ANKRD42: variants seen among roughly 807,000 people sequenced by gnomAD.
ANKRD42 encodes ankyrin repeat domain-containing protein 42.
In ANKRD42, 43 loss-of-function variants were observed where a neutral mutation model predicts 51.5. The ratio of observed to expected loss-of-function variants is 0.83; its 90% CI spans 0.65 to 1.08. The LOEUF is 1.08. Among genes scored for constraint, ANKRD42 ranks in the 50% least tolerant of loss-of-function variants. The pLI, the probability that ANKRD42 is intolerant of heterozygous loss-of-function variation, is 0.00. For synonymous variants in ANKRD42, 203 were observed against 213.0 expected, an observed-to-expected ratio of 0.95 and a Z score of 0.41; for missense variants, 608 against 629.3, an observed-to-expected ratio of 0.97 and a Z score of 0.36.
At chr11:83,264,123 C>T (rs1025236318), downstream of ANKRD42, among the ~76,000 whole-genome samples, 4 of 151,988 alleles carry the variant, frequency 2.6e-5, no homozygotes, top group Non-Finnish European at 4.4e-5. Flanking sequence ...TTTACTCAAA[C>T]GTTAACACAT....
chr11:83,209,408 A>C (rs1252831347), intron 3 of ANKRD42: 1 of 1,580,020 alleles, frequency 6.3e-7, no homozygotes, highest in East Asian at 2.3e-5. Flanking sequence ...CATGTCGCAC[A>C]AACAAATTTA....
chr11:83,207,246 G>C (rs140779280), intron 3 of ANKRD42, among the ~76,000 whole-genome samples: 64 of 152,298 alleles, frequency 4.2e-4, no homozygotes, highest in African/African-American at 1.5e-3. Flanking sequence ...ACCTCCCACT[G>C]TGTCCCTCCC....
intron 2 of ANKRD42, among the ~76,000 whole-genome samples, chr11:83,201,162 C>A (rs185859430): frequency 1.3e-5 from 2 of 152,088 alleles, no homozygotes; most frequent in South Asian, 4.1e-4. Context: ...CCTCCACCCC[C>A]CGACAGGCCC....
Position 83,225,046 on chromosome 11 carries a change from G to GATCAGGA in ANKRD42, c.780_786dup (p.Thr263SerfsTer14). ...TGAGTATGAAGGAAAAGACCTAGAG[G>GATCAGGA]ATCAGGAAAGTAAGTAATTAAGTTA... On this transcript the variant is annotated frameshift_variant, in exon 6 of 11. Coordinates refer to ENST00000533342, the MANE Select transcript of ANKRD42 (RefSeq NM_001300975.2). LOFTEE classifies it high-confidence loss of function. The GATCAGGA allele has an allele frequency of 1.2e-6, 2 of 1,611,248 alleles. No individual in the cohort carries two copies. Among genetic ancestry groups the GATCAGGA allele is most frequent in the Non-Finnish European group, 1.7e-6 (2 of 1,178,110 alleles).
At chr11:83,250,247 A>T (rs1863651273), downstream of ANKRD42, among the ~76,000 whole-genome samples, 1 of 152,158 alleles carries the variant, frequency 6.6e-6, no homozygotes, top group South Asian at 2.1e-4. Flanking sequence ...CCCCAACATA[A>T]TCTGCAATAG....
In ANKRD42 at chr11:83,194,404, G is replaced by A. The variant is rs745354121; in HGVS notation, c.-267G>A. On this transcript the variant is annotated 5_prime_UTR_variant, in exon 1 of 11. Coordinates refer to ENST00000533342, the MANE Select transcript of ANKRD42 (RefSeq NM_001300975.2). The stretch of plus-strand genomic sequence containing the variant: ...TTGGGAGGAAGTAAGTGGAGACCGC[G>A]GCTACGCAGCCAGCGACTCCTCTGG... 3 of 671,804 alleles carry A rather than the reference G, an allele frequency of 4.5e-6. No homozygotes were observed. The East Asian group carries it at 8.6e-5, about 19-fold the overall frequency. The allele number at this position is 671,804 out of a possible 1,614,324, so 41.6% of individuals were successfully genotyped here. A position where few individuals can be genotyped will look rare whatever the true frequency, so the allele number is the denominator to read the frequency against.
intron 6 of ANKRD42, 129 bp from the exon 7 acceptor site, chr11:83,227,618 A>T: frequency 3.4e-6 from 3 of 874,486 alleles, no homozygotes; most frequent in Non-Finnish European, 5.1e-6. Context: ...GTAGTCATCA[A>T]CTGAACTCAT....
chr11:83,252,549 G>A (rs963814960), downstream of ANKRD42, among the ~76,000 whole-genome samples: 6 of 152,038 alleles, frequency 3.9e-5, no homozygotes, highest in South Asian at 1.2e-3. Context: ...ACATCACCAC[G>A]AATGAATTTC....
At chr11:83,254,886 C>A (rs557791645) in intron 11 of ANKRD42, among the ~76,000 whole-genome samples, 1 of 152,300 alleles carries the variant, frequency 6.6e-6, no homozygotes, top group African/African-American at 2.4e-5. Context: ...CCTATGCCCA[C>A]AAACACCTGG....
chr11:83,253,157 C>T (rs146991266), downstream of ANKRD42, among the ~76,000 whole-genome samples: 1 of 152,324 alleles, frequency 6.6e-6, no homozygotes, highest in East Asian at 1.9e-4. Flanking sequence ...CCTATGACAT[C>T]CTAGCTTATG....
At chr11:83,227,356 AC>A (rs1862920037) in intron 6 of ANKRD42, among the ~76,000 whole-genome samples, 1 of 151,584 alleles carries the variant, frequency 6.6e-6, no homozygotes, top group African/African-American at 2.4e-5. Context: ...CAAATGATTC[AC>A]CCATCTCAGC....
intron 3 of ANKRD42, among the ~76,000 whole-genome samples, chr11:83,208,612 C>T (rs1230824839): frequency 3.9e-5 from 6 of 151,936 alleles, no homozygotes; most frequent in Non-Finnish European, 8.8e-5. Flanking sequence ...GAAAATGAGC[C>T]AAGATATCTT....
chr11:83,205,272 T>C lies in ANKRD42; in HGVS notation c.223-786T>C, dbSNP rs201268596. 6.6e-5 allele frequency among the ~76,000 whole-genome samples: 10 copies of C among 152,066 alleles called. No individual in the cohort carries two copies. In the East Asian group the frequency reaches 1.9e-3, roughly 29 times the overall value. On this transcript the variant is annotated intron_variant, in intron 2 of 10. Transcript: ENST00000533342. ...CTTTTCATAAATATTGTTGAATAAA[T>C]GAATGACTTACTATGATTATTATTG... is the stretch of plus-strand genomic sequence containing the variant.
chr11:83,221,583 A>T lies in ANKRD42; in HGVS notation c.587-3272A>T, dbSNP rs57607857. ...GTTGATTTTCTTTCTTTTTCCAGGT[A>T]GGTCTCTGCCTCCTTTTTGGCCCTA... On this transcript the variant is annotated intron_variant, in intron 5 of 10. Transcript: ENST00000533342. Among the ~76,000 whole-genome samples, 996 of 152,254 alleles carry T rather than the reference A, an allele frequency of 6.5e-3. 13 individuals carry two copies. Among genetic ancestry groups the T allele is most frequent in the African/African-American group, 0.022 (930 of 41,542 alleles).
intron 6 of ANKRD42, among the ~76,000 whole-genome samples, chr11:83,227,390 G>T (rs1862921661): frequency 6.6e-6 from 1 of 152,170 alleles, no homozygotes; most frequent in Non-Finnish European, 1.5e-5. Flanking sequence ...TGGGATTACA[G>T]GCGTGAGCCA....
At chr11:83,201,399 A>G (rs901721191) in intron 2 of ANKRD42, among the ~76,000 whole-genome samples, 37 of 152,040 alleles carry the variant, frequency 2.4e-4, no homozygotes, top group Non-Finnish European at 1.5e-5. Context: ...CCTATCATTG[A>G]TGGGCATTTG....
intron 9 of ANKRD42, among the ~76,000 whole-genome samples, chr11:83,244,975 G>T (rs1213563513): frequency 6.6e-6 from 1 of 152,006 alleles, no homozygotes; most frequent in African/African-American, 2.4e-5. Flanking sequence ...TGTGGTCTCG[G>T]CTCACTGCAG....
chr11:83,257,229 G>A (rs1487485759), downstream of ANKRD42: 1 of 439,562 alleles, frequency 2.3e-6, no homozygotes, highest in African/African-American at 2.0e-5. Context: ...TGAGATAGAT[G>A]CAAGGGTCCA....
rs58376016 is a variant in ANKRD42 at position 83,248,296 on chromosome 11, TACACAC to T, written c.*127_*132del. The T allele has an allele frequency of 0.046, 58,547 of 1,277,288 alleles. 89 individuals are homozygous for T. The highest frequency in any genetic ancestry group is 0.086 in the East Asian group (3,034 of 35,108). 79.1% of individuals were successfully genotyped at this position (1,277,288 alleles called of 1,614,324 possible). A position where few individuals can be genotyped will look rare whatever the true frequency, so the allele number is the denominator to read the frequency against. On this transcript the variant is annotated 3_prime_UTR_variant, in exon 11 of 11. Coordinates refer to ENST00000533342, the MANE Select transcript of ANKRD42 (RefSeq NM_001300975.2). ...AGAGCTGATGACAGGATTAAAGGAA[TACACAC>T]ACACACACACACACACACACACACA...
Sources: gnomAD v4.1 joint callset for allele counts (sites outside exome capture counted in the v4.1 genomes callset) on GRCh38, gnomAD v4.1.1 for gene constraint, MANE v1.5 for transcripts, NCBI Gene and HGNC (gene_info 2026-07-23, HGNC 2026-07-21) for gene names.